Variants in NMUR2 observed in about 807,000 individuals in gnomAD.
The protein encoded by NMUR2 is neuromedin-U receptor 2.
In NMUR2, 24 loss-of-function variants were observed where a neutral mutation model predicts 25.1. The ratio of observed to expected loss-of-function variants is 0.96; its 90% CI spans 0.69 to 1.34. NMUR2 has a LOEUF of 1.34. NMUR2 is among the 40% of genes most tolerant of loss of function. The probability of loss-of-function intolerance (pLI) is 0.00; values close to 1 mark genes in which losing one functional copy is unlikely to be tolerated. For missense variants in NMUR2, 533 were observed against 512.8 expected (o/e 1.04, Z -0.38); for synonymous variants, 218 against 208.1 (o/e 1.05, Z -0.41).
intron 3 of NMUR2, among the ~76,000 whole-genome samples, chr5:152,393,659 A>G (rs1753098450): frequency 6.6e-6 from 1 of 152,210 alleles, no homozygotes; most frequent in Non-Finnish European, 1.5e-5. Context: ...ATACAACAAT[A>G]CCAAGCAGTA....
intron 3 of NMUR2, among the ~76,000 whole-genome samples, chr5:152,395,226 A>G (rs972959438): frequency 3.9e-5 from 6 of 152,200 alleles, no homozygotes; most frequent in African/African-American, 1.4e-4. Context: ...TAATCATCAC[A>G]GTTAGACTTG....
At chr5:152,395,909 A>C (rs1430696327) in intron 2 of NMUR2, among the ~76,000 whole-genome samples, 6 of 152,106 alleles carry the variant, frequency 3.9e-5, no homozygotes, top group African/African-American at 1.4e-4. Context: ...ATAAATAATA[A>C]ACTGTTAAAT....
At chr5:152,397,012 G>GTTTTTTTTTTTTTTTTTTTTTTTTTGT (rs769998163) in intron 2 of NMUR2, among the ~76,000 whole-genome samples, 1 of 105,708 alleles carries the variant, frequency 9.5e-6, no homozygotes, top group Non-Finnish European at 2.0e-5. Flanking sequence ...TGAGCTTCAT[G>GTTTTTTTTTTTTTTTTTTTTTTTTTGT]TTTTTTTTTT....
rs1215243458 is a variant in NMUR2, at chr5:152,405,234, T to C, written c.-121A>G. On this transcript the variant is annotated 5_prime_UTR_variant, in exon 1 of 4. Coordinates refer to ENST00000255262, the MANE Select transcript of NMUR2 (RefSeq NM_020167.5). ...GAAAGCAGTCACGAAAGTCACAGGC[T>C]TCGTAAGGAAGGCTGGGAGAGAGTG... 1 of 1,210,038 alleles carries C rather than the reference T, an allele frequency of 8.3e-7. No homozygotes were observed. Among genetic ancestry groups the C allele is most frequent in the Non-Finnish European group, 1.1e-6 (1 of 879,322 alleles). 75.0% of individuals were successfully genotyped at this position (1,210,038 alleles called of 1,614,324 possible). A position where few individuals can be genotyped will look rare whatever the true frequency, so the allele number is the denominator to read the frequency against.
At chr5:152,400,815 C>T (rs1753238546) in intron 1 of NMUR2, among the ~76,000 whole-genome samples, 1 of 152,128 alleles carries the variant, frequency 6.6e-6, no homozygotes, top group African/African-American at 2.4e-5. Flanking sequence ...TAACAGTTCT[C>T]AATGGTAATT....
chr5:152,398,155 A>G lies in NMUR2; in HGVS notation c.727-11T>C, dbSNP rs1414443491. 6.3e-7 allele frequency: 1 copy of G among 1,598,870 alleles called. No individual in the cohort carries two copies. The highest frequency in any genetic ancestry group is 8.6e-7 in the Non-Finnish European group (1 of 1,167,038). On this transcript the variant is annotated splice_polypyrimidine_tract_variant and intron_variant, in intron 1 of 3. Coordinates refer to ENST00000255262, the MANE Select transcript of NMUR2 (RefSeq NM_020167.5). ...TTTGTCTTTCTTTAGCTGAAAGGGA[A>G]GTAAGTTGGGAGAGATAGTAAGAAA...
At chr5:152,401,914 T>C (rs993826299) in intron 1 of NMUR2, among the ~76,000 whole-genome samples, 3 of 152,124 alleles carry the variant, frequency 2.0e-5, no homozygotes, top group Admixed American at 6.5e-5. Flanking sequence ...CTTCAAACTA[T>C]CCAACAGAGT....
Position 152,392,362 on chromosome 5 carries a change from A to C in NMUR2, c.1077T>G (p.Pro359=). ...CTGTCAGGAAGATGTTCCGCTGGGC[A>C]GGTGGCAACTGTGGGTCATGCTGGG... ...WHSQHDPQLP[P]AQRNIFLTEC... is the part of the protein sequence containing the mutation. The change falls in exon 4 of 4, where the codon CCT becomes CCG. Residue 359 remains proline (P), a synonymous_variant. Transcript: ENST00000255262. The C allele has an allele frequency of 6.2e-7, 1 of 1,614,090 alleles. No homozygotes were observed. The highest frequency in any genetic ancestry group is 8.5e-7 in the Non-Finnish European group (1 of 1,179,956).
At chr5:152,395,903 A>G (rs1753140324) in intron 2 of NMUR2, among the ~76,000 whole-genome samples, 1 of 152,116 alleles carries the variant, frequency 6.6e-6, no homozygotes, top group Non-Finnish European at 1.5e-5. Context: ...TGAAAGATAA[A>G]TAATAAACTG....
In NMUR2 at chr5:152,405,257, G is replaced by T; in HGVS notation, c.-144C>A. ...GCTTCGTAAGGAAGGCTGGGAGAGAGTGAGTGTTTCACCCTCCAGGTTAGG... is the reference window on the plus strand; with the variant it reads ...GCTTCGTAAGGAAGGCTGGGAGAGATTGAGTGTTTCACCCTCCAGGTTAGG... On this transcript the variant is annotated 5_prime_UTR_variant, in exon 1 of 4. Coordinates refer to ENST00000255262, the MANE Select transcript of NMUR2 (RefSeq NM_020167.5). The T allele has an allele frequency of 1.0e-6, 1 of 985,346 alleles. No individual in the cohort carries two copies. The highest frequency in any genetic ancestry group is 1.5e-6 in the Non-Finnish European group (1 of 686,268). The allele number at this position is 985,346 out of a possible 1,614,324, so 61.0% of individuals were successfully genotyped here. A position where few individuals can be genotyped will look rare whatever the true frequency, so the allele number is the denominator to read the frequency against.
At chr5:152,397,595 ATTT>A (rs200628437) in intron 2 of NMUR2, among the ~76,000 whole-genome samples, 21,295 of 143,446 alleles carry the variant, frequency 0.15, 1,969 homozygotes, top group Admixed American at 0.24. Context: ...ATATTTGTTC[ATTT>A]TTTTTTTTTT....
At chr5:152,402,515 G>A (rs1753274709) in intron 1 of NMUR2, among the ~76,000 whole-genome samples, 3 of 152,118 alleles carry the variant, frequency 2.0e-5, no homozygotes, top group Non-Finnish European at 2.9e-5. Flanking sequence ...TTAAACTTTT[G>A]TCTGAGCTGT....
chr5:152,404,953 G>A lies in NMUR2; in HGVS notation c.161C>T (p.Pro54Leu), dbSNP rs1028829874. 2 of 1,613,846 alleles carry A rather than the reference G, an allele frequency of 1.2e-6. No individual in the cohort carries two copies. Among genetic ancestry groups the A allele is most frequent in the Admixed American group, 1.7e-5 (1 of 59,996 alleles). ...GCCAATGACCCCCACCACAAAAATT[G>A]GCACATACACCACAGACACGGGGAG... ...FFLPVSVVYV[P>L]IFVVGVIGNV... Residue 54 changes from proline (P) to leucine (L), a missense_variant, in exon 1 of 4, where the codon CCA (proline) becomes CTA (leucine). Pro to Leu is a moderately conservative substitution (Grantham distance 98). Coordinates refer to ENST00000255262, the MANE Select transcript of NMUR2 (RefSeq NM_020167.5).
chr5:152,394,844 C>CTTTT (rs34269811), intron 3 of NMUR2, among the ~76,000 whole-genome samples: 2 of 103,180 alleles, frequency 1.9e-5, no homozygotes, highest in Admixed American at 9.7e-5. Context: ...GTACAGGAGG[C>CTTTT]TTTTTTTTTT....
chr5:152,404,381 TACTC>T lies in NMUR2; in HGVS notation c.726+3_726+6del. 6.2e-7 allele frequency: 1 copy of T among 1,603,714 alleles called. No homozygotes were observed. The highest frequency in any genetic ancestry group is 8.5e-7 in the Non-Finnish European group (1 of 1,173,000). Reference sequence around the variant, plus strand: ...CTGCCTCAGGCCACCCCAGCCTAGATACTCACTCTGAGTGCCATGAGGTAGTAGA... The same window carrying T: ...CTGCCTCAGGCCACCCCAGCCTAGATACTCTGAGTGCCATGAGGTAGTAGA... On this transcript the variant is annotated splice_donor_5th_base_variant and intron_variant, in intron 1 of 3. Transcript: ENST00000255262.
At chr5:152,397,869 T>C (rs183471103) in intron 2 of NMUR2, among the ~76,000 whole-genome samples, 191 bp downstream of exon 2, 62 of 152,250 alleles carry the variant, frequency 4.1e-4, no homozygotes, top group African/African-American at 1.5e-3. Flanking sequence ...TCACCTAGCG[T>C]TGACATAGAC....
chr5:152,402,000 G>C (rs536387334), intron 1 of NMUR2, among the ~76,000 whole-genome samples: 1 of 152,152 alleles, frequency 6.6e-6, no homozygotes, highest in Non-Finnish European at 1.5e-5. Flanking sequence ...AGGTAGAGAA[G>C]CTAAAGCCCA....
chr5:152,395,673 G>T, intron 2 of NMUR2, 89 bp from the exon 3 acceptor site: 1 of 1,464,798 alleles, frequency 6.8e-7, no homozygotes, highest in Non-Finnish European at 9.2e-7. Flanking sequence ...ATTTCTTCTG[G>T]CAGTTTTTCC....
rs750140210 is a variant in NMUR2, at chr5:152,392,183, G to C, written c.*8C>G. The C allele has an allele frequency of 1.2e-6, 2 of 1,603,792 alleles. No individual in the cohort carries two copies. Among genetic ancestry groups the C allele is most frequent in the East Asian group, 4.5e-5 (2 of 44,802 alleles). On this transcript the variant is annotated 3_prime_UTR_variant, in exon 4 of 4. Coordinates refer to ENST00000255262, the MANE Select transcript of NMUR2 (RefSeq NM_020167.5). Reference sequence around the variant, plus strand: ...TGAGGCATAGAGGAGAGTCAGCTCTGAAAGAATTCAGGTTTTGTTAAAGTG... The same window carrying C: ...TGAGGCATAGAGGAGAGTCAGCTCTCAAAGAATTCAGGTTTTGTTAAAGTG...
Sources: gnomAD v4.1 joint callset for allele counts (sites outside exome capture counted in the v4.1 genomes callset) on GRCh38, gnomAD v4.1.1 for gene constraint, MANE v1.5 for transcripts, NCBI Gene and HGNC (gene_info 2026-07-23, HGNC 2026-07-21) for gene names.